COL22A1: variants seen among roughly 807,000 people sequenced by gnomAD.
The protein encoded by COL22A1 is collagen alpha-1(XXII) chain.
COL22A1 carries 221 observed loss-of-function variants against 248.9 expected under a neutral mutation model. The observed-to-expected ratio is 0.89, with a 90% CI of 0.80 to 0.99. The LOEUF (loss-of-function observed/expected upper bound fraction) is 0.99. COL22A1 is among the 50% of genes least tolerant of loss of function. The pLI is 0.00. For missense variants in COL22A1, 2,240 were observed against 2,179.0 expected (o/e 1.03, Z -0.56); for synonymous variants, 891 against 793.4 (o/e 1.12, Z -2.07).
rs151147132 is a variant in COL22A1 at position 138,662,214 on chromosome 8, T to C, written c.3187-131A>G. 6 of 709,420 alleles carry C rather than the reference T, an allele frequency of 8.5e-6. No individual in the cohort carries two copies. The Admixed American group carries it at 1.5e-4, about 17-fold the overall frequency. 43.9% of individuals were successfully genotyped at this position (709,420 alleles called of 1,614,324 possible). A position where few individuals can be genotyped will look rare whatever the true frequency, so the allele number is the denominator to read the frequency against. ...TATGAGGAATCTGATGCAACATGTGTGCCAAAGCACCCTGCTCAGAGCTTA... is the reference window on the plus strand; with the variant it reads ...TATGAGGAATCTGATGCAACATGTGCGCCAAAGCACCCTGCTCAGAGCTTA... On this transcript the variant is annotated intron_variant, in intron 42 of 64. Transcript: ENST00000303045.
chr8:138,648,731 T>C (rs957080142), intron 46 of COL22A1, among the ~76,000 whole-genome samples: 4 of 152,120 alleles, frequency 2.6e-5, no homozygotes, highest in Admixed American at 2.0e-4. Flanking sequence ...ACTATCTTCT[T>C]ACATAAAGAT....
chr8:138,651,170 C>A (rs1332651781), intron 45 of COL22A1, among the ~76,000 whole-genome samples: 2 of 152,190 alleles, frequency 1.3e-5, no homozygotes, highest in African/African-American at 4.8e-5. Context: ...TCCAAGAAGA[C>A]TTCCTGATTG....
At chr8:138,661,360 T>C (rs1823940796) in intron 43 of COL22A1, among the ~76,000 whole-genome samples, 1 of 152,218 alleles carries the variant, frequency 6.6e-6, no homozygotes, top group African/African-American at 2.4e-5. Context: ...AAGTTGTATG[T>C]CTAAGCAATA....
chr8:138,597,634 C>G (rs1817649900), intron 61 of COL22A1, among the ~76,000 whole-genome samples: 1 of 152,216 alleles, frequency 6.6e-6, no homozygotes, highest in African/African-American at 2.4e-5. Flanking sequence ...CCCTTCCTGC[C>G]TGACTGCTCC....
intron 11 of COL22A1, among the ~76,000 whole-genome samples, chr8:138,799,329 GT>G (rs1248683985): frequency 6.6e-6 from 1 of 152,154 alleles, no homozygotes; most frequent in Non-Finnish European, 1.5e-5. Context: ...CTCTCAGGCA[GT>G]TTCTCTTGTC....
intron 23 of COL22A1, among the ~76,000 whole-genome samples, chr8:138,735,035 AGG>A (rs1357980575): frequency 6.6e-6 from 1 of 152,142 alleles, no homozygotes; most frequent in Non-Finnish European, 1.5e-5. Context: ...GGGAAAGGGG[AGG>A]GAGAGCATTA....
At chr8:138,689,080 C>T (rs1384888614) in intron 36 of COL22A1, 110 bp from the exon 37 acceptor site, 12 of 820,304 alleles carry the variant, frequency 1.5e-5, no homozygotes, top group Non-Finnish European at 2.5e-5. Flanking sequence ...TCAACGACTA[C>T]AGCTCCCACC....
chr8:138,875,470 GA>G (rs1823645697), intron 3 of COL22A1, among the ~76,000 whole-genome samples: 2 of 152,228 alleles, frequency 1.3e-5, no homozygotes, highest in Non-Finnish European at 1.5e-5. Flanking sequence ...GAAGGATCCG[GA>G]AGTAACCTTG....
intron 44 of COL22A1, among the ~76,000 whole-genome samples, chr8:138,659,248 A>G (rs1174398463): frequency 6.6e-6 from 1 of 152,186 alleles, no homozygotes; most frequent in Non-Finnish European, 1.5e-5. Flanking sequence ...GTGTTCAGTG[A>G]GAAGTTTCAG....
intron 10 of COL22A1, among the ~76,000 whole-genome samples, chr8:138,805,991 ATGG>A (rs1445069517): frequency 3.7e-5 from 2 of 53,638 alleles, no homozygotes; most frequent in Admixed American, 4.6e-4. Flanking sequence ...ATTGTGTGTG[ATGG>A]TGTGTGTGTG....
intron 20 of COL22A1, 63 bp downstream of exon 20, chr8:138,755,419 G>T: frequency 1.3e-6 from 2 of 1,538,052 alleles, no homozygotes; most frequent in Non-Finnish European, 1.8e-6. Flanking sequence ...GATCATGGTT[G>T]TGGCTTTTCT....
At chr8:138,759,639 A>G (rs1347907721) in intron 18 of COL22A1, among the ~76,000 whole-genome samples, 2 of 152,162 alleles carry the variant, frequency 1.3e-5, no homozygotes, top group African/African-American at 4.8e-5. Flanking sequence ...GGCCCTTCAC[A>G]TTTTGCAAAG....
At chr8:138,616,845 G>A (rs1295788938) in intron 54 of COL22A1, 69 bp downstream of exon 54, 2 of 1,574,224 alleles carry the variant, frequency 1.3e-6, no homozygotes, top group Non-Finnish European at 1.7e-6. Context: ...CAGGCTGCAA[G>A]TATCTTCTGT....
Position 138,716,289 on chromosome 8 carries a change from C to A in COL22A1, c.2401G>T (p.Gly801Ter). Residue 801 changes from glycine (G) to a stop codon, truncating the protein, a stop_gained and splice_region_variant, in exon 29 of 65, where the codon GGA becomes TGA. Coordinates refer to ENST00000303045, the MANE Select transcript of COL22A1 (RefSeq NM_152888.3). LOFTEE classifies it high-confidence loss of function. ...GGAGCCCCTGGGAGGCCTGCTTCTC[C>A]CTGTGAGAACAAAATATTCACAAGG... The part of the protein sequence containing the change: ...QGLAGRPGEK[G>*]EAGLPGAPGF... 1.3e-6 allele frequency: 2 copies of A among 1,583,654 alleles called. No homozygotes were observed. Among genetic ancestry groups the A allele is most frequent in the East Asian group, 2.3e-5 (1 of 43,982 alleles).
intron 22 of COL22A1, among the ~76,000 whole-genome samples, chr8:138,742,540 G>C (rs904730023): frequency 6.7e-6 from 1 of 150,064 alleles, no homozygotes. Context: ...TGATGGTGGA[G>C]TTGATGAGGG....
At chr8:138,671,659 G>A (rs1825039133) in intron 41 of COL22A1, among the ~76,000 whole-genome samples, 1 of 152,218 alleles carries the variant, frequency 6.6e-6, no homozygotes, top group Non-Finnish European at 1.5e-5. Flanking sequence ...AGCACTACAA[G>A]TGATGCTGGA....
intron 1 of COL22A1, among the ~76,000 whole-genome samples, chr8:138,899,672 C>A (rs188607038): frequency 6.6e-6 from 1 of 151,966 alleles, no homozygotes; most frequent in African/African-American, 2.4e-5. Flanking sequence ...TACAGGCATG[C>A]GCCACCATGC....
At chr8:138,846,254 T>C (rs1017690836) in intron 3 of COL22A1, among the ~76,000 whole-genome samples, 1 of 152,164 alleles carries the variant, frequency 6.6e-6, no homozygotes, top group African/African-American at 2.4e-5. Flanking sequence ...AGGCTGGGAA[T>C]TGCGTGTCAT....
At chr8:138,662,488 A>G (rs1824053865) in intron 42 of COL22A1, among the ~76,000 whole-genome samples, 1 of 152,198 alleles carries the variant, frequency 6.6e-6, no homozygotes, top group Non-Finnish European at 1.5e-5. Context: ...AAGACCCAGC[A>G]CAACACTCAG....
Sources: gnomAD v4.1 joint callset for allele counts (sites outside exome capture counted in the v4.1 genomes callset) on GRCh38, gnomAD v4.1.1 for gene constraint, MANE v1.5 for transcripts, NCBI Gene and HGNC (gene_info 2026-07-23, HGNC 2026-07-21) for gene names.